The following FAM53B variants were observed in gnomAD, a reference collection of about 807,000 sequenced individuals.
FAM53B encodes the protein protein FAM53B.
FAM53B carries 12 observed loss-of-function variants against 32.7 expected under a neutral mutation model. The observed-to-expected ratio is 0.37, with a 90% confidence interval of 0.24 to 0.59. The LOEUF is 0.59. Among genes scored for constraint, FAM53B ranks in the 20% least tolerant of loss-of-function variants. The pLI is 0.72. For missense variants in FAM53B, 477 were observed against 577.7 expected (o/e 0.83, Z 1.79); for synonymous variants, 234 against 228.7 (o/e 1.02, Z -0.21).
At chr10:124,732,845 T>C (rs558202736) in intron 1 of FAM53B, among the ~76,000 whole-genome samples, 2 of 150,250 alleles carry the variant, frequency 1.3e-5, no homozygotes, top group South Asian at 4.2e-4. Context: ...AAAAAAAAAA[T>C]CTTTTTTTCC....
At chr10:124,649,417 G>A (rs1004999075) in intron 4 of FAM53B, among the ~76,000 whole-genome samples, 2 of 152,220 alleles carry the variant, frequency 1.3e-5, no homozygotes, top group African/African-American at 4.8e-5. Context: ...TACAGGGCAG[G>A]CTGGCCCAGG....
chr10:124,697,999 G>A (rs1487724770), intron 2 of FAM53B, among the ~76,000 whole-genome samples: 1 of 152,234 alleles, frequency 6.6e-6, no homozygotes. Context: ...TGGATGACAA[G>A]CGCATGAGAG....
At chr10:124,737,449 C>G (rs1036584114) in intron 1 of FAM53B, among the ~76,000 whole-genome samples, 3 of 152,180 alleles carry the variant, frequency 2.0e-5, no homozygotes, top group Non-Finnish European at 4.4e-5. Flanking sequence ...GAGCAATGAT[C>G]AAGTTCACCT....
rs1391321343 is a variant in FAM53B, at chr10:124,619,941, C to G, written c.*3301G>C. 6.6e-6 allele frequency: 1 copy of G among 152,374 alleles called. No homozygotes were observed. Among genetic ancestry groups the G allele is most frequent in the East Asian group, 1.9e-4 (1 of 5,194 alleles). 9.4% of individuals were successfully genotyped at this position (152,374 alleles called of 1,614,324 possible). ...CCGCAGCAGGGGGCCCGGGGTTCCA[C>G]AGCTAGGGAAGCTTGCTCAGACAGG... On this transcript the variant is annotated 3_prime_UTR_variant, in exon 5 of 5. Coordinates refer to ENST00000337318, the MANE Select transcript of FAM53B (RefSeq NM_014661.4).
chr10:124,686,580 TG>T (rs1297916637), intron 3 of FAM53B, among the ~76,000 whole-genome samples: 2 of 152,238 alleles, frequency 1.3e-5, no homozygotes, highest in Non-Finnish European at 2.9e-5. Flanking sequence ...CTCCTAGCTC[TG>T]TGATCGTACA....
Position 124,681,762 on chromosome 10 carries a change from C to T in FAM53B, c.751G>A (p.Ala251Thr). The T allele has an allele frequency of 6.2e-7, 1 of 1,609,296 alleles. No homozygotes were observed. The highest frequency in any genetic ancestry group is 8.5e-7 in the Non-Finnish European group (1 of 1,177,854). ...CGTCTCGCCAGCTCTGGTGTTGAGG[C>T]AGGTGTGCTGTTGGCTGAGGGAGGA... ...YCPPSANSTP[A>T]STPELARRSS... Residue 251 changes from alanine to threonine, a missense_variant, in exon 4 of 5, where the codon GCC becomes ACC. Ala to Thr is a moderately conservative substitution (Grantham distance 58). This residue lies in a region of FAM53B where 312 missense variants were observed against 420.2 expected (regional missense o/e 0.74). Transcript: ENST00000337318.
At chr10:124,700,816 G>A (rs114139065) in intron 2 of FAM53B, among the ~76,000 whole-genome samples, 93 of 152,342 alleles carry the variant, frequency 6.1e-4, no homozygotes, top group African/African-American at 2.1e-3. Context: ...CTCCTGACAC[G>A]GTGTTACAGG....
chr10:124,706,364 A>G (rs1238639322), intron 2 of FAM53B, among the ~76,000 whole-genome samples: 1 of 152,218 alleles, frequency 6.6e-6, no homozygotes, highest in Non-Finnish European at 1.5e-5. Context: ...GGCAGGCGGC[A>G]GAATCACACT....
At chr10:124,693,786 G>C (rs917597895) in intron 3 of FAM53B, among the ~76,000 whole-genome samples, 1 of 152,192 alleles carries the variant, frequency 6.6e-6, no homozygotes, top group African/African-American at 2.4e-5. Flanking sequence ...CATCTCACGG[G>C]AGTTGGCCTA....
Position 124,621,611 on chromosome 10 carries a change from T to C in FAM53B, c.*1631A>G, listed in dbSNP as rs902587877. ...ATTTTTAAGAAGTGCCACCCACATA[T>C]TGGGAACTTGAACCACCATCCTTTT... is the stretch of plus-strand genomic sequence containing the variant. On this transcript the variant is annotated 3_prime_UTR_variant, in exon 5 of 5. Coordinates refer to ENST00000337318, the MANE Select transcript of FAM53B (RefSeq NM_014661.4). The C allele has an allele frequency of 6.6e-6, 1 of 152,194 alleles. No individual in the cohort carries two copies. The highest frequency in any genetic ancestry group is 2.4e-5 in the African/African-American group (1 of 41,438). The allele number at this position is 152,194 out of a possible 1,614,324, so 9.4% of individuals were successfully genotyped here. A position where few individuals can be genotyped will look rare whatever the true frequency, so the allele number is the denominator to read the frequency against.
In FAM53B at chr10:124,684,375, T is replaced by C. The variant is rs914578083; in HGVS notation, c.134-1996A>G. Among the ~76,000 whole-genome samples the C allele has an allele frequency of 4.6e-5, 7 of 152,272 alleles. No individual in the cohort carries two copies. In the South Asian group the frequency reaches 8.3e-4, roughly 18 times the overall value. On this transcript the variant is annotated intron_variant, in intron 3 of 4. Transcript: ENST00000337318. ...AATTACGTCCAAAAATCATCCAAAG[T>C]ACCTCTTCCTGCAAGTTGCTTTAGG...
At position 124,706,702 on chromosome 10, in the gene FAM53B, G is replaced by C; in HGVS notation, c.12C>G (p.Val4=). Residue 4 remains valine (V), a synonymous_variant, in exon 2 of 5, where the codon GTC becomes GTG. Coordinates refer to ENST00000337318, the MANE Select transcript of FAM53B (RefSeq NM_014661.4). MVM[V]LSESLSTRGA... ...CCCGGGTGCTGAGGCTTTCACTTAG[G>C]ACCATCACCATGATAAGGGCCTCAG... is the stretch of plus-strand genomic sequence containing the variant. 6.2e-7 allele frequency: 1 copy of C among 1,614,122 alleles called. No individual in the cohort carries two copies. The highest frequency in any genetic ancestry group is 8.5e-7 in the Non-Finnish European group (1 of 1,179,996).
At chr10:124,672,048 T>G (rs1326316596) in intron 4 of FAM53B, among the ~76,000 whole-genome samples, 1 of 152,208 alleles carries the variant, frequency 6.6e-6, no homozygotes, top group Non-Finnish European at 1.5e-5. Context: ...AAATGGTACA[T>G]AAATGGGCTC....
intron 4 of FAM53B, among the ~76,000 whole-genome samples, chr10:124,649,639 C>T (rs553935836): frequency 2.0e-5 from 3 of 152,300 alleles, no homozygotes; most frequent in South Asian, 4.1e-4. Flanking sequence ...GGATAAAGGC[C>T]GCCTTCCATG....
intron 1 of FAM53B, among the ~76,000 whole-genome samples, chr10:124,740,213 G>A (rs527931096): frequency 1.2e-3 from 184 of 152,186 alleles, no homozygotes; most frequent in Admixed American, 3.8e-3. Context: ...ACCTAAGTTC[G>A]GTGAGGTTAA....
chr10:124,661,346 A>C (rs1036545852), intron 4 of FAM53B, among the ~76,000 whole-genome samples: 1 of 152,304 alleles, frequency 6.6e-6, no homozygotes, highest in South Asian at 2.1e-4. Context: ...TGTGATGAGA[A>C]TGGTCCCCAG....
At chr10:124,742,334 T>A (rs1950204879) in intron 1 of FAM53B, 1 of 152,138 alleles carries the variant, frequency 6.6e-6, no homozygotes. Context: ...GACCTGCAAT[T>A]CAATATCAAA....
chr10:124,705,460 C>T (rs1006830299), intron 2 of FAM53B: 2 of 152,348 alleles, frequency 1.3e-5, no homozygotes, highest in Non-Finnish European at 2.9e-5. Flanking sequence ...CAAGGCTTTC[C>T]CTGGCGTGCT....
chr10:124,666,291 C>A (rs1357010839), intron 4 of FAM53B, among the ~76,000 whole-genome samples: 1 of 152,254 alleles, frequency 6.6e-6, no homozygotes. Context: ...AGCTCTGGAA[C>A]CTTCGGCTTG....
Sources: allele counts gnomAD v4.1 joint callset (sites outside exome capture counted in the v4.1 genomes callset), GRCh38; gene constraint gnomAD v4.1.1; regional missense constraint gnomAD v4.1.1; transcripts MANE v1.5; gene names NCBI Gene and HGNC (gene_info 2026-07-23, HGNC 2026-07-21).